ARFGEF2: variants seen among roughly 807,000 people sequenced by gnomAD.
ARFGEF2 encodes brefeldin A-inhibited guanine nucleotide-exchange protein 2.
ARFGEF2 carries 74 observed loss-of-function variants against 219.9 expected under a neutral mutation model. The ratio of observed to expected loss-of-function variants is 0.34; its 90% confidence interval spans 0.28 to 0.41. The LOEUF is 0.41. ARFGEF2 is among the 10% of genes least tolerant of loss of function. ARFGEF2 has a pLI of 1.00. For synonymous variants in ARFGEF2, 733 were observed against 799.2 expected (o/e 0.92, Z 1.40); for missense variants, 1,743 against 2,218.3 (o/e 0.79, Z 4.30).
chr20:48,927,801 C>T (rs993000603), intron 1 of ARFGEF2, among the ~76,000 whole-genome samples: 61 of 152,048 alleles, frequency 4.0e-4, no homozygotes, highest in African/African-American at 1.3e-3. Context: ...TGAGACATTT[C>T]GTTTATAAGT....
At chr20:49,005,036 T>C in intron 25 of ARFGEF2, 34 bp from the exon 26 acceptor site, 1 of 1,613,912 alleles carries the variant, frequency 6.2e-7, no homozygotes, top group Non-Finnish European at 8.5e-7. Flanking sequence ...TATTACACTA[T>C]ACCTGTTTCA....
At chr20:49,023,833 C>T (rs138170205) in intron 35 of ARFGEF2, among the ~76,000 whole-genome samples, 94 of 152,108 alleles carry the variant, frequency 6.2e-4, no homozygotes, top group Non-Finnish European at 1.1e-3. Flanking sequence ...CCACCGCGCC[C>T]GGCCTGATAT....
At chr20:48,985,320 C>A in intron 15 of ARFGEF2, 88 bp from the exon 16 acceptor site, 1 of 1,403,838 alleles carries the variant, frequency 7.1e-7, no homozygotes, top group Non-Finnish European at 1.0e-6. Context: ...TAGGGCCAGG[C>A]TATTCTGACT....
At chr20:48,924,511 C>CAA (rs11476973) in intron 1 of ARFGEF2, among the ~76,000 whole-genome samples, 1,140 of 78,266 alleles carry the variant, frequency 0.015, 18 homozygotes, top group Non-Finnish European at 0.022. Flanking sequence ...GACTCTGTCT[C>CAA]AAAAAAAAAA....
chr20:48,989,797 A>G (rs1444205198), intron 20 of ARFGEF2, 113 bp downstream of exon 20: 3 of 1,485,994 alleles, frequency 2.0e-6, no homozygotes, highest in African/African-American at 1.4e-5. Flanking sequence ...TTAGCAAGCT[A>G]CTTACTTATG....
At chr20:48,932,456 G>A (rs2090919001) in intron 1 of ARFGEF2, among the ~76,000 whole-genome samples, 1 of 152,114 alleles carries the variant, frequency 6.6e-6, no homozygotes, top group Non-Finnish European at 1.5e-5. Context: ...GGGTAATTGG[G>A]GCTCTGTAGG....
intron 2 of ARFGEF2, 118 bp downstream of exon 2, chr20:48,941,347 C>T: frequency 9.3e-7 from 1 of 1,078,492 alleles, no homozygotes; most frequent in Non-Finnish European, 1.4e-6. Flanking sequence ...GTGGCACACA[C>T]TCTGCAAGCA....
chr20:48,969,329 A>G (rs1237068020), intron 9 of ARFGEF2, 52 bp downstream of exon 9: 4 of 1,613,502 alleles, frequency 2.5e-6, no homozygotes, highest in South Asian at 2.2e-5. Context: ...CCAGCAGCAC[A>G]TGGTACTGTG....
intron 23 of ARFGEF2, among the ~76,000 whole-genome samples, chr20:48,996,678 A>G (rs546954226): frequency 1.1e-4 from 17 of 149,294 alleles, no homozygotes; most frequent in South Asian, 8.7e-4. Flanking sequence ...CAGGAGGCAG[A>G]GGTTGTAGTG....
chr20:49,013,466 G>A (rs2091512878), intron 28 of ARFGEF2, 98 bp from the exon 29 acceptor site: 2 of 1,508,776 alleles, frequency 1.3e-6, no homozygotes, highest in Non-Finnish European at 1.8e-6. Context: ...ATTTTTGGGA[G>A]AGAAAAATGT....
chr20:48,923,183 AGCTGTTTT>A (rs2090854237), intron 1 of ARFGEF2, among the ~76,000 whole-genome samples: 1 of 152,104 alleles, frequency 6.6e-6, no homozygotes, highest in South Asian at 2.1e-4. Flanking sequence ...ATTTGACCAG[AGCTGTTTT>A]CAAGCTAATT....
chr20:49,023,768 G>T (rs961209089), intron 35 of ARFGEF2, among the ~76,000 whole-genome samples: 1 of 151,842 alleles, frequency 6.6e-6, no homozygotes, highest in African/African-American at 2.4e-5. Flanking sequence ...TCGATCTCCT[G>T]ACCTCGTGAT....
At chr20:48,925,240 A>G (rs962443673) in intron 1 of ARFGEF2, among the ~76,000 whole-genome samples, 19 of 152,340 alleles carry the variant, frequency 1.2e-4, no homozygotes, top group African/African-American at 4.6e-4. Context: ...GGACTGCCCA[A>G]GTAGGGGATA....
Position 48,994,597 on chromosome 20 carries a change from C to G in ARFGEF2, c.3120C>G (p.Leu1040=), listed in dbSNP as rs751240187. 2 of 1,613,404 alleles carry G rather than the reference C, an allele frequency of 1.2e-6. No homozygotes were observed. The highest frequency in any genetic ancestry group is 1.7e-6 in the Non-Finnish European group (2 of 1,179,974). Reference sequence around the variant, plus strand: ...GAGAAGAGTTCATGGGCCTTGGCCTCGGTAAGACACCAGGCCCCACAGCTA... The same window carrying G: ...GAGAAGAGTTCATGGGCCTTGGCCTGGGTAAGACACCAGGCCCCACAGCTA... ...LAGEEFMGLG[L]GNLVSGGVDK... The change falls in exon 22 of 39, where the codon CTC becomes CTG. Residue 1040 remains leucine, a splice_region_variant and synonymous_variant. Transcript: ENST00000371917.
intron 20 of ARFGEF2, among the ~76,000 whole-genome samples, chr20:48,990,818 G>A (rs752161466): frequency 2.0e-5 from 3 of 152,242 alleles, no homozygotes; most frequent in Non-Finnish European, 1.5e-5. Flanking sequence ...TTAGAAAGGA[G>A]AGAGCTGCTT....
At chr20:49,010,467 CTGTCTA>C in intron 27 of ARFGEF2, 63 bp downstream of exon 27, 1 of 1,591,584 alleles carries the variant, frequency 6.3e-7, no homozygotes, top group Non-Finnish European at 8.6e-7. Flanking sequence ...GTGTCACTTG[CTGTCTA>C]TTTTACTACC....
chr20:48,953,460 AC>A, intron 5 of ARFGEF2, 95 bp from the exon 6 acceptor site: 2 of 1,162,520 alleles, frequency 1.7e-6, no homozygotes, highest in Non-Finnish European at 2.6e-6. Context: ...ATAGGCGTTA[AC>A]CACCGCGCCC....
chr20:48,973,281 G>A lies in ARFGEF2; in HGVS notation c.1662G>A (p.Leu554=), dbSNP rs761530798. 4 of 1,613,978 alleles carry A rather than the reference G, an allele frequency of 2.5e-6. No individual in the cohort carries two copies. The South Asian group carries it at 3.3e-5, about 13-fold the overall frequency. ...GACATGAGCTGGGAATGACACCTCT[G>A]CAGGTAAAAACACTGTGGACACTCA... ...RSGHELGMTP[L]QELSLRKKGL... The change falls in exon 12 of 39, where the codon CTG becomes CTA. Residue 554 remains leucine (L), a synonymous_variant. Coordinates refer to ENST00000371917, the MANE Select transcript of ARFGEF2 (RefSeq NM_006420.3).
chr20:48,935,846 C>G (rs1052330313), intron 1 of ARFGEF2, among the ~76,000 whole-genome samples: 1 of 114,534 alleles, frequency 8.7e-6, no homozygotes, highest in Non-Finnish European at 1.7e-5. Context: ...CCCTCCCGGA[C>G]GGGGCGGCTG....
Sources: gnomAD v4.1 joint callset for allele counts (sites outside exome capture counted in the v4.1 genomes callset) on GRCh38, gnomAD v4.1.1 for gene constraint, MANE v1.5 for transcripts, NCBI Gene and HGNC (gene_info 2026-07-23, HGNC 2026-07-21) for gene names.